The following DPYSL5 variants were observed in gnomAD, a reference collection of about 807,000 sequenced individuals.
DPYSL5 encodes the protein dihydropyrimidinase-related protein 5.
In DPYSL5, 9 loss-of-function variants were observed where a neutral mutation model predicts 58.4. The ratio of observed to expected loss-of-function variants is 0.15; its 90% CI spans 0.09 to 0.27. The LOEUF (loss-of-function observed/expected upper bound fraction) is 0.27. Ranked by LOEUF, DPYSL5 falls within the 10% of genes least tolerant of loss-of-function variation. The pLI, the probability that DPYSL5 is intolerant of heterozygous loss-of-function variation, is 1.00. For synonymous variants in DPYSL5, 293 were observed against 301.9 expected (o/e 0.97, Z 0.31); for missense variants, 499 against 770.6 (o/e 0.65, Z 4.17).
At chr2:26,935,278 G>A (rs771089534) in intron 8 of DPYSL5, among the ~76,000 whole-genome samples, 32 of 151,898 alleles carry the variant, frequency 2.1e-4, no homozygotes, top group Non-Finnish European at 4.0e-4. Flanking sequence ...TTTTCCCCAT[G>A]CAATCCCAAT....
chr2:26,875,205 G>GGTGGAGGGTGGTGAAGGGACAGCTC lies in DPYSL5; in HGVS notation c.-4-23290_-4-23266dup, dbSNP rs564715702. 1.3e-3 allele frequency among the ~76,000 whole-genome samples: 201 copies of GGTGGAGGGTGGTGAAGGGACAGCTC among 152,354 alleles called. 7 individuals are homozygous for GGTGGAGGGTGGTGAAGGGACAGCTC. The East Asian group carries it at 0.029, about 22-fold the overall frequency. Reference sequence around the variant, plus strand: ...TTGGGAAGGAACTAGGACTGGAGTGGGTGGAGGGTGGTGAAGGGACAGCTC... The same window carrying GGTGGAGGGTGGTGAAGGGACAGCTC: ...TTGGGAAGGAACTAGGACTGGAGTGGGTGGAGGGTGGTGAAGGGACAGCTCGTGGAGGGTGGTGAAGGGACAGCTC... On this transcript the variant is annotated intron_variant, in intron 1 of 12. Coordinates refer to ENST00000288699, the MANE Select transcript of DPYSL5 (RefSeq NM_020134.4).
intron 2 of DPYSL5, among the ~76,000 whole-genome samples, chr2:26,919,758 A>G (rs1351827005): frequency 6.6e-6 from 1 of 152,208 alleles, no homozygotes; most frequent in East Asian, 1.9e-4. Context: ...AGGATGTTCT[A>G]CAAAGCTGCA....
At chr2:26,884,643 T>C (rs2148126810) in intron 1 of DPYSL5, among the ~76,000 whole-genome samples, 1 of 152,276 alleles carries the variant, frequency 6.6e-6, no homozygotes, top group East Asian at 1.9e-4. Flanking sequence ...CTCCCATTTC[T>C]TACCACCCTC....
intron 1 of DPYSL5, among the ~76,000 whole-genome samples, chr2:26,881,052 T>C (rs1204372884): frequency 2.6e-5 from 4 of 152,176 alleles, no homozygotes; most frequent in Non-Finnish European, 5.9e-5. Flanking sequence ...CTTGAGATGA[T>C]GTGGTGCTGA....
chr2:26,894,926 A>C (rs902661006), intron 1 of DPYSL5, among the ~76,000 whole-genome samples: 1 of 152,210 alleles, frequency 6.6e-6, no homozygotes, highest in Non-Finnish European at 1.5e-5. Flanking sequence ...GGGAGTAGTC[A>C]GTGGTGTCAT....
chr2:26,895,775 CTT>C (rs869030530), intron 1 of DPYSL5, among the ~76,000 whole-genome samples: 63 of 101,090 alleles, frequency 6.2e-4, no homozygotes, highest in Non-Finnish European at 8.1e-4. Context: ...ATTTCTTTTT[CTT>C]TTTTTTTTTT....
Position 26,940,191 on chromosome 2 carries a change from C to T in DPYSL5, c.1089+19C>T, listed in dbSNP as rs368829316. The stretch of plus-strand genomic sequence containing the variant: ...AGGAGTGGTATGTTTCCTAGAGCCC[C>T]GCCCCGATCTGATCCCTGCTCTAAT... On this transcript the variant is annotated intron_variant, in intron 9 of 12. Coordinates refer to ENST00000288699, the MANE Select transcript of DPYSL5 (RefSeq NM_020134.4). 6.8e-6 allele frequency: 11 copies of T among 1,612,416 alleles called. No homozygotes were observed. In the African/African-American group the frequency reaches 1.1e-4, roughly 16 times the overall value.
chr2:26,875,387 G>C (rs995093294), intron 1 of DPYSL5, among the ~76,000 whole-genome samples: 1 of 152,254 alleles, frequency 6.6e-6, no homozygotes, highest in Non-Finnish European at 1.5e-5. Context: ...GAAGCAAGCA[G>C]CTGGTGTCAG....
chr2:26,931,781 G>T (rs568510414), intron 6 of DPYSL5, 97 bp downstream of exon 6: 2 of 1,299,946 alleles, frequency 1.5e-6, no homozygotes, highest in African/African-American at 2.9e-5. Context: ...GCCGAGGTGC[G>T]TGGATCACCT....
intron 1 of DPYSL5, among the ~76,000 whole-genome samples, chr2:26,894,939 G>A (rs1428197232): frequency 6.6e-6 from 1 of 152,226 alleles, no homozygotes; most frequent in Non-Finnish European, 1.5e-5. Context: ...GGTGTCATAT[G>A]TGGTTACTTG....
chr2:26,933,762 T>C lies in DPYSL5; in HGVS notation c.790+429T>C, dbSNP rs1665096863. ...AGAAAGAACAGTGTGTGGGCCCAGCTTCCTTTTAGCCTCCTGGAACCCTGT... is the reference window on the plus strand; with the variant it reads ...AGAAAGAACAGTGTGTGGGCCCAGCCTCCTTTTAGCCTCCTGGAACCCTGT... On this transcript the variant is annotated intron_variant, in intron 7 of 12. Transcript: ENST00000288699. The surrounding 1 kb of genome is among the most constrained non-coding windows in gnomAD (Gnocchi z 4.2). Among the ~76,000 whole-genome samples the C allele has an allele frequency of 6.6e-6, 1 of 152,168 alleles. No homozygotes were observed. Among genetic ancestry groups the C allele is most frequent in the Non-Finnish European group, 1.5e-5 (1 of 68,024 alleles).
At chr2:26,874,404 T>C (rs992453510) in intron 1 of DPYSL5, among the ~76,000 whole-genome samples, 1 of 152,194 alleles carries the variant, frequency 6.6e-6, no homozygotes, top group Non-Finnish European at 1.5e-5. Flanking sequence ...AGGTCTATGA[T>C]CCATTTAAGT....
intron 2 of DPYSL5, among the ~76,000 whole-genome samples, chr2:26,901,736 G>T (rs1664161724): frequency 6.6e-6 from 1 of 152,144 alleles, no homozygotes; most frequent in Non-Finnish European, 1.5e-5. Context: ...CAGACAGATA[G>T]CGGGGCCCTG....
chr2:26,923,373 T>C (rs1346436546), intron 2 of DPYSL5, among the ~76,000 whole-genome samples: 1 of 152,180 alleles, frequency 6.6e-6, no homozygotes, highest in Non-Finnish European at 1.5e-5. Flanking sequence ...TAAACACACA[T>C]GTTAGGACAA....
At position 26,933,291 on chromosome 2, in the gene DPYSL5, A is replaced by G. The variant is rs1178531758; in HGVS notation, c.748A>G (p.Ser250Gly). 2 of 1,614,200 alleles carry G rather than the reference A, an allele frequency of 1.2e-6. No individual in the cohort carries two copies. The highest frequency in any genetic ancestry group is 1.1e-5 in the South Asian group (1 of 91,084). Residue 250 changes from serine (S) to glycine (G), a missense_variant, in exon 7 of 13, where the codon AGT becomes GGT. Physicochemically the swap from Ser to Gly is moderately conservative, Grantham distance 56. Around this residue, in one of 3 missense-constraint regions of DPYSL5, gnomAD observed 404 missense variants for 647.6 expected, o/e 0.62. Coordinates refer to ENST00000288699, the MANE Select transcript of DPYSL5 (RefSeq NM_020134.4). This position sits in a 1 kb window ranked among gnomAD's most constrained non-coding sequence, Gnocchi z 4.2. ...TCCAATCTACCTGGTCAACGTGTCC[A>G]GTATCTCGGCTGGTGACGTTATCGC... ...HCPIYLVNVS[S>G]ISAGDVIAAA...
chr2:26,857,673 T>C (rs1239410267), intron 1 of DPYSL5, among the ~76,000 whole-genome samples: 1 of 152,230 alleles, frequency 6.6e-6, no homozygotes, highest in East Asian at 1.9e-4. Flanking sequence ...AATTTCAGAT[T>C]TCCTATAATG....
At chr2:26,943,151 G>A (rs1665370396) in intron 11 of DPYSL5, among the ~76,000 whole-genome samples, 1 of 152,072 alleles carries the variant, frequency 6.6e-6, no homozygotes, top group Non-Finnish European at 1.5e-5. Flanking sequence ...GGGTAGAGCT[G>A]GCATTTGCAA....
At chr2:26,879,460 G>GAAAA (rs748100269) in intron 1 of DPYSL5, among the ~76,000 whole-genome samples, 2 of 74,352 alleles carry the variant, frequency 2.7e-5, no homozygotes, top group African/African-American at 5.6e-5. Context: ...ATCTCTATTT[G>GAAAA]AAAAAAAAAA....
chr2:26,912,161 T>G (rs973257666), intron 2 of DPYSL5, among the ~76,000 whole-genome samples: 1 of 152,206 alleles, frequency 6.6e-6, no homozygotes, highest in Admixed American at 6.5e-5. Flanking sequence ...TTTTGATCTT[T>G]GAAGGCCCCT....
Sources: gnomAD v4.1 joint callset for allele counts (sites outside exome capture counted in the v4.1 genomes callset) on GRCh38, gnomAD v4.1.1 for gene constraint, gnomAD v4.1.1 regional missense constraint, Gnocchi (gnomAD v3.1) non-coding constraint, MANE v1.5 for transcripts, NCBI Gene and HGNC (gene_info 2026-07-23, HGNC 2026-07-21) for gene names.